The following FSTL5 variants were observed in gnomAD, a reference collection of about 807,000 sequenced individuals.
FSTL5 encodes the protein follistatin-related protein 5.
In FSTL5, 62 loss-of-function variants were observed where a neutral mutation model predicts 89.1. That is an observed-to-expected ratio of 0.70 (90% CI 0.57 to 0.86). The LOEUF (loss-of-function observed/expected upper bound fraction) is 0.86, where lower values mean the gene tolerates loss of function less well. Ranked by LOEUF, FSTL5 falls within the 40% of genes least tolerant of loss-of-function variation. The probability of loss-of-function intolerance (pLI) is 0.00; values close to 1 mark genes in which losing one functional copy is unlikely to be tolerated. For missense variants in FSTL5, 1,057 were observed against 1,001.6 expected (o/e 1.06, Z -0.75); for synonymous variants, 383 against 346.2 (o/e 1.11, Z -1.18).
Position 162,141,106 on chromosome 4 carries a change from CTTTTTTTTT to C in FSTL5, c.-17+22500_-17+22508del, listed in dbSNP as rs3032092. 2.5e-4 allele frequency among the ~76,000 whole-genome samples: 11 copies of C among 44,008 alleles called. 1 individual carries two copies. The highest frequency in any genetic ancestry group is 8.9e-4 in the African/African-American group (10 of 11,260). 28.9% of individuals were successfully genotyped at this position (44,008 alleles called of 152,430 possible). ...AGTGTGGCACCTCCCTCCCTTCTCT[CTTTTTTTTT>C]TTTTTTTTTTTTTTTTTTTGAGACG... On this transcript the variant is annotated intron_variant, in intron 1 of 15. Coordinates refer to ENST00000306100, the MANE Select transcript of FSTL5 (RefSeq NM_020116.5).
chr4:161,510,376 TA>T, intron 11 of FSTL5, 21 bp downstream of exon 11: 2 of 1,469,104 alleles, frequency 1.4e-6, no homozygotes, highest in Non-Finnish European at 1.8e-6. Flanking sequence ...TGTCACAACA[TA>T]AAAATAATTC....
rs1736470243 is a variant in FSTL5 at position 161,655,112 on chromosome 4, A to G, written c.894+1216T>C. On this transcript the variant is annotated intron_variant, in intron 7 of 15. Transcript: ENST00000306100. The stretch of plus-strand genomic sequence containing the variant: ...ATACATTATGACATGTTGAAAGCAA[A>G]AAGTGTCTTTATTGTCTTTTGATTT... Among the ~76,000 whole-genome samples the G allele has an allele frequency of 2.0e-5, 3 of 152,232 alleles. No homozygotes were observed. In the South Asian group the frequency reaches 6.2e-4, roughly 32 times the overall value.
chr4:161,432,495 G>T (rs1243125006), intron 15 of FSTL5, among the ~76,000 whole-genome samples: 1 of 151,658 alleles, frequency 6.6e-6, no homozygotes, highest in East Asian at 1.9e-4. Context: ...ATACCAAAAA[G>T]GTAGAAAAAC....
intron 3 of FSTL5, among the ~76,000 whole-genome samples, chr4:161,960,390 G>T (rs1301001595): frequency 6.6e-6 from 1 of 151,536 alleles, no homozygotes; most frequent in East Asian, 1.9e-4. Context: ...TGGTCAGGCT[G>T]GTCTCAAACT....
chr4:161,786,992 GTTTTAACAATAGC>G (rs1395208323), intron 4 of FSTL5, among the ~76,000 whole-genome samples: 1 of 152,068 alleles, frequency 6.6e-6, no homozygotes, highest in Non-Finnish European at 1.5e-5. Flanking sequence ...TATGCATCAT[GTTTTAACAATAGC>G]TTATTATGAC....
chr4:161,905,295 T>C (rs1458576529), intron 4 of FSTL5, among the ~76,000 whole-genome samples: 3 of 152,158 alleles, frequency 2.0e-5, no homozygotes, highest in Non-Finnish European at 2.9e-5. Context: ...AACCATAGAC[T>C]ATATCTGCAA....
chr4:161,901,413 C>T (rs1392457298), intron 4 of FSTL5, among the ~76,000 whole-genome samples: 2 of 152,062 alleles, frequency 1.3e-5, no homozygotes, highest in African/African-American at 4.8e-5. Context: ...TCCTATCATG[C>T]AGATACAGTG....
At chr4:161,455,410 A>T (rs1392196239) in intron 14 of FSTL5, among the ~76,000 whole-genome samples, 1 of 152,158 alleles carries the variant, frequency 6.6e-6, no homozygotes, top group Non-Finnish European at 1.5e-5. Context: ...CAACTTCTTC[A>T]TTACAAAAAT....
chr4:161,623,664 A>G (rs1578976006), intron 7 of FSTL5, among the ~76,000 whole-genome samples: 1 of 151,970 alleles, frequency 6.6e-6, no homozygotes, highest in African/African-American at 2.4e-5. Flanking sequence ...CTGCTTATGA[A>G]AGAAAAAATT....
chr4:161,645,721 A>T (rs1253271271), intron 7 of FSTL5, among the ~76,000 whole-genome samples: 1 of 152,106 alleles, frequency 6.6e-6, no homozygotes, highest in Non-Finnish European at 1.5e-5. Flanking sequence ...TGTGACAGAA[A>T]TCCAACTTCC....
At chr4:162,146,250 CATCT>C (rs1732981999) in intron 1 of FSTL5, among the ~76,000 whole-genome samples, 1 of 152,048 alleles carries the variant, frequency 6.6e-6, no homozygotes, top group African/African-American at 2.4e-5. Context: ...TGAATCTATG[CATCT>C]ATCTGTCTAT....
intron 2 of FSTL5, among the ~76,000 whole-genome samples, chr4:162,091,563 T>C (rs778219489): frequency 6.6e-6 from 1 of 152,138 alleles, no homozygotes; most frequent in Non-Finnish European, 1.5e-5. Context: ...TAATGAAACA[T>C]ATGATCCAAA....
intron 6 of FSTL5, among the ~76,000 whole-genome samples, chr4:161,678,345 A>T (rs1737393955): frequency 6.6e-6 from 1 of 151,876 alleles, no homozygotes; most frequent in Non-Finnish European, 1.5e-5. Context: ...GAATAGTGTC[A>T]AAATTTTTTT....
chr4:161,785,484 C>G (rs1351227943), intron 4 of FSTL5, among the ~76,000 whole-genome samples: 2 of 152,128 alleles, frequency 1.3e-5, no homozygotes, highest in African/African-American at 2.4e-5. Context: ...TCCAGACTGT[C>G]TAAATCTCAT....
chr4:161,687,927 C>G (rs556372927), intron 6 of FSTL5, among the ~76,000 whole-genome samples: 4 of 152,292 alleles, frequency 2.6e-5, no homozygotes, highest in African/African-American at 7.2e-5. Context: ...AAAAGGCTTA[C>G]GGAAGTGAGT....
chr4:161,868,184 T>C (rs1276987020), intron 4 of FSTL5, among the ~76,000 whole-genome samples: 1 of 152,188 alleles, frequency 6.6e-6, no homozygotes, highest in African/African-American at 2.4e-5. Context: ...AACATAGCTT[T>C]GAAATGAAAT....
At chr4:161,464,230 C>T (rs908749994) in intron 13 of FSTL5, among the ~76,000 whole-genome samples, 19 of 152,198 alleles carry the variant, frequency 1.2e-4, no homozygotes, top group African/African-American at 4.1e-4. Context: ...TCGCCGACTA[C>T]ACTTTCCTTG....
chr4:161,983,597 C>T (rs375754978), intron 3 of FSTL5, among the ~76,000 whole-genome samples: 1 of 152,070 alleles, frequency 6.6e-6, no homozygotes, highest in Non-Finnish European at 1.5e-5. Context: ...ATATGAAATA[C>T]GTGTCTTCCC....
chr4:162,006,474 A>G (rs1396974170), intron 3 of FSTL5, among the ~76,000 whole-genome samples: 1 of 151,990 alleles, frequency 6.6e-6, no homozygotes, highest in Non-Finnish European at 1.5e-5. Flanking sequence ...AGGCAATACA[A>G]GTGTTCTATA....
Sources: allele counts gnomAD v4.1 joint callset (sites outside exome capture counted in the v4.1 genomes callset), GRCh38; gene constraint gnomAD v4.1.1; transcripts MANE v1.5; gene names NCBI Gene and HGNC (gene_info 2026-07-23, HGNC 2026-07-21).